Variants in DRC11 observed in about 807,000 individuals in gnomAD.
The protein encoded by DRC11 is dynein regulatory complex subunit 11.
At chr2:236,420,631 C>T in the DRC11 span, among the ~76,000 whole-genome samples, 3 of 151,950 alleles carry the variant, frequency 2.0e-5, no homozygotes, top group Non-Finnish European at 4.4e-5. The surrounding 1 kb of genome is among the most constrained non-coding windows in gnomAD (Gnocchi z 4.8). Flanking sequence ...CATGATGAAA[C>T]CCCATGTCTA....
the DRC11 span, among the ~76,000 whole-genome samples, chr2:236,493,130 C>T: frequency 0.02 from 3,078 of 152,258 alleles, 34 homozygotes; most frequent in Non-Finnish European, 0.024. Context: ...AGGCACATCT[C>T]ATATGGCGGC....
the DRC11 span, among the ~76,000 whole-genome samples, chr2:236,382,817 T>C: frequency 1.3e-5 from 2 of 152,174 alleles, no homozygotes; most frequent in Non-Finnish European, 2.9e-5. Flanking sequence ...TGTAAGCTGA[T>C]TTGGAGTTTG....
At chr2:236,412,429 C>T in the DRC11 span, among the ~76,000 whole-genome samples, 2 of 152,202 alleles carry the variant, frequency 1.3e-5, no homozygotes, top group Non-Finnish European at 2.9e-5. Flanking sequence ...ATACCTCATC[C>T]GTGCCCCACC....
At chr2:236,377,711 G>A in the DRC11 span, among the ~76,000 whole-genome samples, 1 of 152,094 alleles carries the variant, frequency 6.6e-6, no homozygotes, top group Non-Finnish European at 1.5e-5. This position sits in a 1 kb window ranked among gnomAD's most constrained non-coding sequence, Gnocchi z 4.9. Flanking sequence ...AAGCAATGAG[G>A]GTGATGATTT....
At chr2:236,487,810 A>C in the DRC11 span, among the ~76,000 whole-genome samples, 1 of 152,228 alleles carries the variant, frequency 6.6e-6, no homozygotes, top group African/African-American at 2.4e-5. Flanking sequence ...TAGAGTAAAA[A>C]TTTGAAAATA....
chr2:236,309,279 G>C, the DRC11 span, among the ~76,000 whole-genome samples: 1 of 152,292 alleles, frequency 6.6e-6, no homozygotes, highest in African/African-American at 2.4e-5. The surrounding 1 kb of genome is among the most constrained non-coding windows in gnomAD (Gnocchi z 5.7). Context: ...GATAGCTACT[G>C]GAGCCTTGCA....
chr2:236,389,780 G>A, the DRC11 span, among the ~76,000 whole-genome samples: 2 of 151,982 alleles, frequency 1.3e-5, no homozygotes, highest in East Asian at 1.9e-4. Flanking sequence ...TTTAATTTCC[G>A]CATATTTGTG....
the DRC11 span, among the ~76,000 whole-genome samples, chr2:236,382,494 G>A: frequency 6.6e-6 from 1 of 151,968 alleles, no homozygotes; most frequent in African/African-American, 2.4e-5. Context: ...ATATTTCTGG[G>A]ATTTTGATAG....
the DRC11 span, among the ~76,000 whole-genome samples, chr2:236,455,302 G>A: frequency 6.6e-6 from 1 of 152,226 alleles, no homozygotes; most frequent in Non-Finnish European, 1.5e-5. The surrounding 1 kb of genome is among the most constrained non-coding windows in gnomAD (Gnocchi z 5.7). Context: ...TGAGCCATGA[G>A]CCCTGAGAAA....
the DRC11 span, among the ~76,000 whole-genome samples, chr2:236,484,195 T>C: frequency 6.6e-6 from 1 of 152,250 alleles, no homozygotes; most frequent in African/African-American, 2.4e-5. Flanking sequence ...TCCCGATTTT[T>C]GTCCTACCTG....
chr2:236,393,074 T>C, the DRC11 span, among the ~76,000 whole-genome samples: 7 of 152,262 alleles, frequency 4.6e-5, no homozygotes, highest in Admixed American at 3.9e-4. This position sits in a 1 kb window ranked among gnomAD's most constrained non-coding sequence, Gnocchi z 4.7. Flanking sequence ...AATAGCTGGA[T>C]CCTCGACGTG....
At chr2:236,430,934 C>T in the DRC11 span, among the ~76,000 whole-genome samples, 6 of 152,026 alleles carry the variant, frequency 3.9e-5, no homozygotes, top group African/African-American at 1.4e-4. This position sits in a 1 kb window ranked among gnomAD's most constrained non-coding sequence, Gnocchi z 6.0. Flanking sequence ...GCAAAATCTT[C>T]CGAAGTTAAA....
chr2:236,472,693 A>G, the DRC11 span, among the ~76,000 whole-genome samples: 4 of 152,158 alleles, frequency 2.6e-5, no homozygotes, highest in East Asian at 1.9e-4. This position sits in a 1 kb window ranked among gnomAD's most constrained non-coding sequence, Gnocchi z 4.6. Flanking sequence ...TTTTCCTTCA[A>G]TCTGTCATAA....
At chr2:236,315,615 A>G in the DRC11 span, among the ~76,000 whole-genome samples, 4 of 152,238 alleles carry the variant, frequency 2.6e-5, no homozygotes, top group South Asian at 8.3e-4. This position sits in a 1 kb window ranked among gnomAD's most constrained non-coding sequence, Gnocchi z 5.1. Flanking sequence ...AATGCCCATC[A>G]ATAATAGATT....
the DRC11 span, among the ~76,000 whole-genome samples, chr2:236,312,900 A>G: frequency 6.6e-6 from 1 of 151,440 alleles, no homozygotes; most frequent in Non-Finnish European, 1.5e-5. Flanking sequence ...TAAAGCTAAT[A>G]AGAAGATATA....
chr2:236,486,821 A>C, the DRC11 span: 1 of 1,600,760 alleles, frequency 6.2e-7, no homozygotes. This position sits in a 1 kb window ranked among gnomAD's most constrained non-coding sequence, Gnocchi z 5.7. Context: ...CTCTTAAAAA[A>C]AACTTACCAT....
chr2:236,385,161 T>C, the DRC11 span, among the ~76,000 whole-genome samples: 1 of 151,728 alleles, frequency 6.6e-6, no homozygotes, highest in African/African-American at 2.4e-5. Flanking sequence ...TTTGGTTCCA[T>C]ATGAACTTTA....
At chr2:236,338,362 T>C in the DRC11 span, 1 of 1,613,672 alleles carries the variant, frequency 6.2e-7, no homozygotes, top group Non-Finnish European at 8.5e-7. Flanking sequence ...GAAGGTGTTT[T>C]TTCAGGCGTT....
At chr2:236,426,642 A>G in the DRC11 span, among the ~76,000 whole-genome samples, 1 of 152,204 alleles carries the variant, frequency 6.6e-6, no homozygotes, top group Non-Finnish European at 1.5e-5. The surrounding 1 kb of genome is among the most constrained non-coding windows in gnomAD (Gnocchi z 4.1). Context: ...CCTGTGCTAA[A>G]GTGATCCTCC....
Sources: gnomAD v4.1 joint callset for allele counts (sites outside exome capture counted in the v4.1 genomes callset) on GRCh38, gnomAD v4.1.1 for gene constraint, Gnocchi (gnomAD v3.1) non-coding constraint, MANE v1.5 for transcripts, NCBI Gene and HGNC (gene_info 2026-07-23, HGNC 2026-07-21) for gene names.